The following ZNF385B variants were observed in gnomAD, a reference collection of about 807,000 sequenced individuals.
ZNF385B encodes zinc finger protein 385B.
ZNF385B carries 23 observed loss-of-function variants against 39.2 expected under a neutral mutation model. The ratio of observed to expected loss-of-function variants is 0.59; its 90% CI spans 0.42 to 0.83. The LOEUF (loss-of-function observed/expected upper bound fraction) is 0.83. Ranked by LOEUF, ZNF385B falls within the 40% of genes least tolerant of loss-of-function variation. The pLI is 0.00. For missense variants in ZNF385B, 552 were observed against 598.9 expected, an observed-to-expected ratio of 0.92 and a Z score of 0.82; for synonymous variants, 205 against 222.6, an observed-to-expected ratio of 0.92 and a Z score of 0.70.
rs10594566 is a variant in ZNF385B, at chr2:179,514,778, GTTTT to G, written c.552+3746_552+3749del. 3.0e-3 allele frequency among the ~76,000 whole-genome samples: 425 copies of G among 143,332 alleles called. 1 individual carries two copies. Among genetic ancestry groups the G allele is most frequent in the African/African-American group, 5.0e-3 (196 of 39,136 alleles). 94.0% of individuals were successfully genotyped at this position (143,332 alleles called of 152,430 possible). On this transcript the variant is annotated intron_variant, in intron 5 of 9. Transcript: ENST00000410066. The stretch of plus-strand genomic sequence containing the variant: ...GGGATAGTTTTTTCAATGTGTGGTG[GTTTT>G]TTTTTTTTTTTTTTAGATGGAATTT...
At chr2:179,721,868 AAAAC>A (rs1392062203) in intron 3 of ZNF385B, among the ~76,000 whole-genome samples, 1 of 152,088 alleles carries the variant, frequency 6.6e-6, no homozygotes, top group Non-Finnish European at 1.5e-5. Flanking sequence ...GAATAAGACA[AAAAC>A]AAACAAACAA....
At chr2:179,483,915 T>C (rs1160838330) in intron 5 of ZNF385B, among the ~76,000 whole-genome samples, 1 of 152,192 alleles carries the variant, frequency 6.6e-6, no homozygotes, top group Non-Finnish European at 1.5e-5. Flanking sequence ...AACATGTTAA[T>C]AGGTGCTACT....
Position 179,627,966 on chromosome 2 carries a change from C to T in ZNF385B, c.299-82997G>A, listed in dbSNP as rs187629590. On this transcript the variant is annotated intron_variant, in intron 3 of 9. Coordinates refer to ENST00000410066, the MANE Select transcript of ZNF385B (RefSeq NM_152520.6). Reference sequence around the variant, plus strand: ...AGTTACAATAATAGAAATCCTCATGCCTCTGTTATCGAGATTTAATATTTA... The same window carrying T: ...AGTTACAATAATAGAAATCCTCATGTCTCTGTTATCGAGATTTAATATTTA... Among the ~76,000 whole-genome samples, 492 of 152,198 alleles carry T rather than the reference C, an allele frequency of 3.2e-3. 4 individuals are homozygous for T. Among genetic ancestry groups the T allele is most frequent in the African/African-American group, 0.011 (468 of 41,548 alleles).
intron 3 of ZNF385B, among the ~76,000 whole-genome samples, chr2:179,549,529 A>G (rs2060438995): frequency 6.7e-6 from 1 of 149,632 alleles, no homozygotes; most frequent in Non-Finnish European, 1.5e-5. Flanking sequence ...ATTGACTTCA[A>G]GGAGAAATGA....
At chr2:179,567,601 T>C (rs1471620021) in intron 3 of ZNF385B, among the ~76,000 whole-genome samples, 1 of 152,186 alleles carries the variant, frequency 6.6e-6, no homozygotes, top group East Asian at 1.9e-4. Flanking sequence ...TAATGTATCC[T>C]AAGCACCAGG....
chr2:179,504,918 C>T (rs755482428), intron 5 of ZNF385B, among the ~76,000 whole-genome samples: 23 of 152,008 alleles, frequency 1.5e-4, no homozygotes, highest in Non-Finnish European at 3.1e-4. Context: ...CCCCATGATG[C>T]AATCACCTCC....
At chr2:179,700,841 G>A (rs748132120) in intron 3 of ZNF385B, among the ~76,000 whole-genome samples, 3 of 152,004 alleles carry the variant, frequency 2.0e-5, no homozygotes, top group South Asian at 4.2e-4. Flanking sequence ...GTGAAACCCC[G>A]TCCCTACTAA....
chr2:179,821,601 A>C (rs1266335269), intron 1 of ZNF385B, among the ~76,000 whole-genome samples: 2 of 152,132 alleles, frequency 1.3e-5, no homozygotes, highest in Non-Finnish European at 1.5e-5. Context: ...TATGACAGAG[A>C]TCTAAATAAG....
intron 3 of ZNF385B, among the ~76,000 whole-genome samples, chr2:179,761,571 T>C (rs533132718): frequency 2.6e-5 from 4 of 150,980 alleles, no homozygotes; most frequent in African/African-American, 7.3e-5. Flanking sequence ...TATATAAATA[T>C]AATATGCAAT....
At chr2:179,649,197 A>T (rs1324989356) in intron 3 of ZNF385B, among the ~76,000 whole-genome samples, 1 of 152,208 alleles carries the variant, frequency 6.6e-6, no homozygotes, top group Non-Finnish European at 1.5e-5. Context: ...ATGAAAATTA[A>T]AAAACAACAA....
At chr2:179,443,746 A>G (rs1396259019) in intron 9 of ZNF385B, among the ~76,000 whole-genome samples, 1 of 152,064 alleles carries the variant, frequency 6.6e-6, no homozygotes, top group Non-Finnish European at 1.5e-5. Flanking sequence ...GCTCACCAGG[A>G]AAAAAAACAT....
chr2:179,652,218 G>A (rs1693256627), intron 3 of ZNF385B, among the ~76,000 whole-genome samples: 1 of 152,144 alleles, frequency 6.6e-6, no homozygotes, highest in South Asian at 2.1e-4. Context: ...TTTTCATGAT[G>A]TGGTTTCATT....
chr2:179,856,680 G>T (rs112864159), intron 1 of ZNF385B, among the ~76,000 whole-genome samples: 18 of 148,386 alleles, frequency 1.2e-4, no homozygotes, highest in Non-Finnish European at 7.4e-5. Context: ...GCCACAATCC[G>T]CAATCTGCAA....
At chr2:179,773,336 C>T (rs926666191) in intron 1 of ZNF385B, among the ~76,000 whole-genome samples, 1 of 152,140 alleles carries the variant, frequency 6.6e-6, no homozygotes, top group Non-Finnish European at 1.5e-5. Context: ...TCAAGTCAAT[C>T]GGTTTTATCC....
intron 3 of ZNF385B, among the ~76,000 whole-genome samples, chr2:179,761,761 C>CTTTTTTTTTTTTT (rs34325728): frequency 3.1e-4 from 34 of 110,274 alleles, no homozygotes; most frequent in African/African-American, 4.1e-4. Flanking sequence ...TTTTTCTTTT[C>CTTTTTTTTTTTTT]TTTTTTTTTT....
intron 1 of ZNF385B, among the ~76,000 whole-genome samples, chr2:179,848,091 C>A (rs1708892131): frequency 6.6e-6 from 1 of 152,084 alleles, no homozygotes; most frequent in Non-Finnish European, 1.5e-5. Context: ...TGGATGTAGA[C>A]TGATTCGCTG....
intron 3 of ZNF385B, among the ~76,000 whole-genome samples, chr2:179,558,022 C>T (rs1352246592): frequency 6.6e-6 from 1 of 152,078 alleles, no homozygotes. Flanking sequence ...TAAATAGCCT[C>T]ATGGTAGGAG....
At chr2:179,689,408 T>G (rs1040394741) in intron 3 of ZNF385B, among the ~76,000 whole-genome samples, 1 of 152,150 alleles carries the variant, frequency 6.6e-6, no homozygotes, top group Admixed American at 6.5e-5. Flanking sequence ...TTGTGGACAC[T>G]CAGTCCAGTA....
At chr2:179,840,151 T>C (rs259831) in intron 1 of ZNF385B, among the ~76,000 whole-genome samples, 73,375 of 151,952 alleles carry the variant, frequency 0.48, 18,617 homozygotes, top group African/African-American at 0.61. Context: ...ATATTTATAA[T>C]GCATATGGAA....
Sources: allele counts gnomAD v4.1 joint callset (sites outside exome capture counted in the v4.1 genomes callset), GRCh38; gene constraint gnomAD v4.1.1; transcripts MANE v1.5; gene names NCBI Gene and HGNC (gene_info 2026-07-23, HGNC 2026-07-21).